The following ZNF521 variants were observed in gnomAD, a reference collection of about 807,000 sequenced individuals.
ZNF521 encodes the protein LYST-interacting protein 3.
Under a neutral mutation model 105.5 loss-of-function variants are expected in ZNF521, and 14 were observed. The ratio of observed to expected loss-of-function variants is 0.13; its 90% CI spans 0.09 to 0.21. The LOEUF (loss-of-function observed/expected upper bound fraction) is 0.21. Among genes scored for constraint, ZNF521 ranks in the 10% least tolerant of loss-of-function variants. The probability of loss-of-function intolerance (pLI) is 1.00; values close to 1 mark genes in which losing one functional copy is unlikely to be tolerated. For synonymous variants in ZNF521, 635 were observed against 606.0 expected (o/e 1.05, Z -0.70); for missense variants, 1,233 against 1,629.7 (o/e 0.76, Z 4.19).
intron 4 of ZNF521, among the ~76,000 whole-genome samples, chr18:25,223,429 A>T (rs1905868130): frequency 6.6e-6 from 1 of 152,304 alleles, no homozygotes; most frequent in South Asian, 2.1e-4. Context: ...GAGACAAGAT[A>T]AGGAAAATGC....
chr18:25,176,727 G>A (rs373335178), intron 5 of ZNF521, among the ~76,000 whole-genome samples: 6 of 152,332 alleles, frequency 3.9e-5, no homozygotes, highest in African/African-American at 1.2e-4. Flanking sequence ...GGATCGCAGC[G>A]TAGTGCAACA....
intron 2 of ZNF521, among the ~76,000 whole-genome samples, chr18:25,335,387 C>G (rs1913815907): frequency 6.6e-6 from 1 of 152,174 alleles, no homozygotes; most frequent in Non-Finnish European, 1.5e-5. Flanking sequence ...TCTAAACTCT[C>G]ATGATCTGTA....
At chr18:25,197,839 G>C (rs779732533) in intron 4 of ZNF521, among the ~76,000 whole-genome samples, 1 of 151,704 alleles carries the variant, frequency 6.6e-6, no homozygotes, top group East Asian at 1.9e-4. Context: ...TCCCTTCCTG[G>C]TTACCTATCT....
intron 3 of ZNF521, among the ~76,000 whole-genome samples, chr18:25,261,660 C>A (rs1197284459): frequency 1.3e-5 from 2 of 148,152 alleles, no homozygotes; most frequent in Non-Finnish European, 3.0e-5. Flanking sequence ...TGTGTATATG[C>A]TTTTTTTTTT....
At chr18:25,078,006 T>C (rs2033405092) in intron 7 of ZNF521, among the ~76,000 whole-genome samples, 1 of 152,288 alleles carries the variant, frequency 6.6e-6, no homozygotes, top group East Asian at 1.9e-4. Context: ...AGTCCATCTA[T>C]CTTTTAGTAC....
At chr18:25,094,610 G>A (rs1320196858) in intron 5 of ZNF521, among the ~76,000 whole-genome samples, 1 of 152,028 alleles carries the variant, frequency 6.6e-6, no homozygotes, top group Non-Finnish European at 1.5e-5. Flanking sequence ...AGTTCTACCT[G>A]CCTTTTATTT....
At chr18:25,101,408 G>A (rs558268368) in intron 5 of ZNF521, among the ~76,000 whole-genome samples, 1 of 152,190 alleles carries the variant, frequency 6.6e-6, no homozygotes, top group African/African-American at 2.4e-5. Flanking sequence ...TGAGGAGAAG[G>A]GGTTTGTAGA....
chr18:25,242,119 ATCT>A (rs1487332552), intron 3 of ZNF521, among the ~76,000 whole-genome samples: 2 of 152,226 alleles, frequency 1.3e-5, no homozygotes, highest in Non-Finnish European at 2.9e-5. Context: ...GTTATGTCCA[ATCT>A]GTCACTGAAA....
chr18:25,263,031 G>A (rs1909014560), intron 3 of ZNF521, among the ~76,000 whole-genome samples: 1 of 152,214 alleles, frequency 6.6e-6, no homozygotes, highest in Non-Finnish European at 1.5e-5. Context: ...CTCCTTTTCT[G>A]TTTTGTAATT....
At chr18:25,250,612 G>C (rs1908046216) in intron 3 of ZNF521, among the ~76,000 whole-genome samples, 1 of 152,154 alleles carries the variant, frequency 6.6e-6, no homozygotes, top group Non-Finnish European at 1.5e-5. Flanking sequence ...TCAGAAACTA[G>C]CTGCCAAATG....
chr18:25,236,941 A>G (rs1021149780), intron 3 of ZNF521, among the ~76,000 whole-genome samples: 3 of 152,236 alleles, frequency 2.0e-5, no homozygotes, highest in Non-Finnish European at 4.4e-5. Flanking sequence ...TCAGCAAAAT[A>G]TAAAAGAGGC....
intron 2 of ZNF521, among the ~76,000 whole-genome samples, chr18:25,342,415 T>TTTTTTGTTTG: frequency 1.2e-5 from 1 of 81,774 alleles, no homozygotes; most frequent in African/African-American, 4.5e-5. Context: ...TTTGTTTTTT[T>TTTTTTGTTTG]TTTGTTTGTT....
intron 5 of ZNF521, among the ~76,000 whole-genome samples, chr18:25,176,764 C>T (rs577783859): frequency 2.6e-5 from 4 of 152,334 alleles, no homozygotes; most frequent in East Asian, 1.9e-4. Flanking sequence ...CCAAGTCGGC[C>T]GCCCCGGTGT....
chr18:25,251,790 T>G (rs570545622), intron 3 of ZNF521, among the ~76,000 whole-genome samples: 1 of 152,330 alleles, frequency 6.6e-6, no homozygotes, highest in African/African-American at 2.4e-5. Context: ...TTTTGAACCT[T>G]TCCTTATACA....
chr18:25,099,171 G>A (rs2144248416), intron 5 of ZNF521, among the ~76,000 whole-genome samples: 1 of 152,168 alleles, frequency 6.6e-6, no homozygotes. Context: ...GCTCATAGCT[G>A]GAACTCAATA....
chr18:25,290,885 G>A (rs536728957), intron 3 of ZNF521, among the ~76,000 whole-genome samples: 1 of 152,056 alleles, frequency 6.6e-6, no homozygotes, highest in Non-Finnish European at 1.5e-5. Context: ...ATGAAAAGAT[G>A]AATAAATGAA....
intron 5 of ZNF521, among the ~76,000 whole-genome samples, chr18:25,173,670 G>A (rs117802590): frequency 0.016 from 2,488 of 152,230 alleles, 58 homozygotes; most frequent in East Asian, 0.087. Flanking sequence ...TTGGCTGCAG[G>A]TGGAAACAAG....
At chr18:25,163,848 T>A (rs1358255284) in intron 5 of ZNF521, among the ~76,000 whole-genome samples, 1 of 152,144 alleles carries the variant, frequency 6.6e-6, no homozygotes, top group Non-Finnish European at 1.5e-5. Flanking sequence ...TCGCGACATA[T>A]CAGAAGGTTC....
At chr18:25,138,284 G>T (rs549935197) in intron 5 of ZNF521, among the ~76,000 whole-genome samples, 2 of 152,242 alleles carry the variant, frequency 1.3e-5, no homozygotes, top group African/African-American at 2.4e-5. Flanking sequence ...ATATTTCAAA[G>T]AACTTGTGAA....
Sources: gnomAD v4.1 joint callset for allele counts (sites outside exome capture counted in the v4.1 genomes callset) on GRCh38, gnomAD v4.1.1 for gene constraint, MANE v1.5 for transcripts, NCBI Gene and HGNC (gene_info 2026-07-23, HGNC 2026-07-21) for gene names.